NAALADL2: variants seen among roughly 807,000 people sequenced by gnomAD.
NAALADL2 encodes inactive N-acetylated-alpha-linked acidic dipeptidase-like protein 2.
A neutral mutation model predicts 87.2 loss-of-function variants in NAALADL2; 76 were observed. The observed-to-expected ratio is 0.87, with a 90% confidence interval of 0.72 to 1.05. The LOEUF (loss-of-function observed/expected upper bound fraction) is 1.05. Ranked by LOEUF, NAALADL2 falls within the 50% of genes least tolerant of loss-of-function variation. The pLI is 0.00. For synonymous variants in NAALADL2, 354 were observed against 331.0 expected, an observed-to-expected ratio of 1.07 and a Z score of -0.75; for missense variants, 1,089 against 945.8, an observed-to-expected ratio of 1.15 and a Z score of -1.99.
intron 2 of NAALADL2, among the ~76,000 whole-genome samples, chr3:174,677,965 G>A (rs779956601): frequency 4.8e-4 from 73 of 152,064 alleles, no homozygotes; most frequent in South Asian, 4.1e-4. Context: ...GCTGAACTAA[G>A]AAGGCAGAGC....
intron 2 of NAALADL2, chr3:175,124,513 T>C (rs1726641386): frequency 1.3e-5 from 2 of 152,042 alleles, no homozygotes; most frequent in Admixed American, 1.3e-4. Context: ...ATCAGGAAGA[T>C]AAATGCTTTT....
chr3:174,723,160 A>G (rs548979352), intron 2 of NAALADL2, among the ~76,000 whole-genome samples: 5 of 152,342 alleles, frequency 3.3e-5, no homozygotes, highest in African/African-American at 1.2e-4. Context: ...AATGGACATC[A>G]TATTTAAAGT....
intron 3 of NAALADL2, among the ~76,000 whole-genome samples, chr3:174,794,249 A>G (rs1476771004): frequency 6.6e-6 from 1 of 152,078 alleles, no homozygotes; most frequent in African/African-American, 2.4e-5. Flanking sequence ...TCTAGTATTT[A>G]CTCAATAACT....
intron 12 of NAALADL2, among the ~76,000 whole-genome samples, chr3:175,751,844 A>T (rs1343638198): frequency 1.3e-5 from 2 of 152,044 alleles, no homozygotes; most frequent in African/African-American, 2.4e-5. Flanking sequence ...AGTTTTATAT[A>T]ATCTTAAGTT....
At chr3:175,066,964 A>G (rs1199906247) in intron 1 of NAALADL2, among the ~76,000 whole-genome samples, 1 of 152,166 alleles carries the variant, frequency 6.6e-6, no homozygotes, top group East Asian at 1.9e-4. Context: ...GGCCTATCTA[A>G]TTATTTCCCT....
intron 1 of NAALADL2, among the ~76,000 whole-genome samples, chr3:175,083,653 G>C (rs1310881717): frequency 6.6e-6 from 1 of 151,866 alleles, no homozygotes; most frequent in Non-Finnish European, 1.5e-5. Context: ...AGTTACATAG[G>C]ATTTTATAGT....
intron 9 of NAALADL2, among the ~76,000 whole-genome samples, chr3:175,564,761 TA>T (rs1464519934): frequency 6.6e-5 from 10 of 152,232 alleles, no homozygotes; most frequent in Admixed American, 2.6e-4. Context: ...GTGTCTGGTT[TA>T]TCCAGTGTCT....
intron 1 of NAALADL2, among the ~76,000 whole-genome samples, chr3:174,894,118 A>G (rs1731205460): frequency 6.6e-6 from 1 of 152,182 alleles, no homozygotes; most frequent in Admixed American, 6.5e-5. Flanking sequence ...TCACTATATC[A>G]TGTTAAAGGG....
At chr3:174,585,686 C>T (rs1358742706) in intron 2 of NAALADL2, among the ~76,000 whole-genome samples, 1 of 151,626 alleles carries the variant, frequency 6.6e-6, no homozygotes, top group Non-Finnish European at 1.5e-5. Flanking sequence ...TAAAGAATGA[C>T]ACATTAATTC....
chr3:174,954,922 T>C (rs2108526971), intron 1 of NAALADL2, among the ~76,000 whole-genome samples: 1 of 152,216 alleles, frequency 6.6e-6, no homozygotes, highest in Admixed American at 6.6e-5. Flanking sequence ...TAATTTGCAG[T>C]TTTAATTGTG....
intron 1 of NAALADL2, among the ~76,000 whole-genome samples, chr3:174,985,284 G>T (rs547437325): frequency 1.3e-5 from 2 of 152,198 alleles, no homozygotes; most frequent in Admixed American, 6.5e-5. Context: ...TGGCGGAAAT[G>T]ATGTGAAAAT....
intron 1 of NAALADL2, among the ~76,000 whole-genome samples, chr3:174,530,450 A>G (rs562447333): frequency 7.9e-5 from 12 of 152,222 alleles, no homozygotes; most frequent in Admixed American, 3.3e-4. Context: ...AACCGCTTCC[A>G]CATTTTCGGA....
intron 5 of NAALADL2, among the ~76,000 whole-genome samples, chr3:175,348,064 T>G (rs1228057248): frequency 6.6e-6 from 1 of 152,166 alleles, no homozygotes; most frequent in Non-Finnish European, 1.5e-5. Context: ...TGTTTTGTTT[T>G]GTTTGAGACG....
intron 13 of NAALADL2, among the ~76,000 whole-genome samples, chr3:175,763,391 A>G (rs552074452): frequency 3.3e-5 from 5 of 152,274 alleles, no homozygotes; most frequent in African/African-American, 1.2e-4. Flanking sequence ...AATTTCAGCA[A>G]GATTTCCAGC....
At chr3:175,195,758 G>A (rs1218149728) in intron 2 of NAALADL2, among the ~76,000 whole-genome samples, 2 of 151,900 alleles carry the variant, frequency 1.3e-5, no homozygotes, top group Admixed American at 1.3e-4. Flanking sequence ...TGAATTTATT[G>A]TTATGGGCCT....
chr3:174,444,467 T>A (rs1486302817), intron 1 of NAALADL2, among the ~76,000 whole-genome samples: 1 of 152,154 alleles, frequency 6.6e-6, no homozygotes, highest in African/African-American at 2.4e-5. Context: ...CTTTGTGCAT[T>A]GTTGAGGACA....
At chr3:175,132,908 G>A (rs1728374383) in intron 2 of NAALADL2, among the ~76,000 whole-genome samples, 1 of 151,572 alleles carries the variant, frequency 6.6e-6, no homozygotes, top group South Asian at 2.1e-4. Context: ...GCCGGGCGGA[G>A]GGACTCCTCA....
intron 1 of NAALADL2, among the ~76,000 whole-genome samples, chr3:175,019,741 G>T (rs1751328633): frequency 6.6e-6 from 1 of 151,926 alleles, no homozygotes. Flanking sequence ...ACATTAATCT[G>T]GTCTCCCTAA....
intron 10 of NAALADL2, among the ~76,000 whole-genome samples, chr3:175,610,096 A>T (rs1724404247): frequency 6.6e-6 from 1 of 152,194 alleles, no homozygotes; most frequent in African/African-American, 2.4e-5. Context: ...TTGTTAATAA[A>T]CTTGTGTTTG....
Sources: gnomAD v4.1 joint callset for allele counts (sites outside exome capture counted in the v4.1 genomes callset) on GRCh38, gnomAD v4.1.1 for gene constraint, MANE v1.5 for transcripts, NCBI Gene and HGNC (gene_info 2026-07-23, HGNC 2026-07-21) for gene names.